AKAP13: variants seen among roughly 807,000 people sequenced by gnomAD.
The protein encoded by AKAP13 is A-kinase anchoring protein 13.
AKAP13 carries 80 observed loss-of-function variants against 264.5 expected under a neutral mutation model. The ratio of observed to expected loss-of-function variants is 0.30; its 90% CI spans 0.25 to 0.36. The LOEUF is 0.36. AKAP13 is among the 10% of genes least tolerant of loss of function. AKAP13 has a pLI of 1.00. For missense variants in AKAP13, 3,712 were observed against 3,435.2 expected, an observed-to-expected ratio of 1.08 and a Z score of -2.01; for synonymous variants, 1,380 against 1,250.2, an observed-to-expected ratio of 1.10 and a Z score of -2.19.
At chr15:85,528,722 CT>C (rs2077160290) in intron 3 of AKAP13, among the ~76,000 whole-genome samples, 1 of 152,124 alleles carries the variant, frequency 6.6e-6, no homozygotes, top group South Asian at 2.1e-4. Context: ...GAGCAGACTT[CT>C]CCCACCCCAT....
intron 7 of AKAP13, among the ~76,000 whole-genome samples, 162 bp from the exon 8 acceptor site, chr15:85,585,540 A>C (rs1454737629): frequency 6.6e-6 from 1 of 152,230 alleles, no homozygotes; most frequent in Non-Finnish European, 1.5e-5. Context: ...ATAGCTCAGC[A>C]TAGGGTCAGA....
chr15:85,628,661 A>T (rs182346538), intron 8 of AKAP13, among the ~76,000 whole-genome samples: 2 of 140,312 alleles, frequency 1.4e-5, no homozygotes, highest in African/African-American at 5.9e-5. Context: ...CCAACAACAA[A>T]CAAACAGCAG....
chr15:85,527,775 T>C (rs2077123862), intron 3 of AKAP13, among the ~76,000 whole-genome samples: 1 of 152,216 alleles, frequency 6.6e-6, no homozygotes, highest in South Asian at 2.1e-4. Flanking sequence ...TCCTATTTCC[T>C]ATTAGAGTCT....
At chr15:85,712,290 T>C (rs1226795736) in intron 19 of AKAP13, among the ~76,000 whole-genome samples, 1 of 152,194 alleles carries the variant, frequency 6.6e-6, no homozygotes, top group Non-Finnish European at 1.5e-5. Context: ...TTTAGATATA[T>C]TTAATCTGGT....
intron 2 of AKAP13, among the ~76,000 whole-genome samples, chr15:85,513,196 G>A (rs907326385): frequency 9.2e-5 from 14 of 152,244 alleles, no homozygotes; most frequent in African/African-American, 3.1e-4. Flanking sequence ...GGTAAAAGGC[G>A]CTTGTGTGAG....
At chr15:85,740,085 AT>A in intron 33 of AKAP13, 136 bp from the exon 34 acceptor site, 1 of 931,354 alleles carries the variant, frequency 1.1e-6, no homozygotes, top group Non-Finnish European at 1.6e-6. Context: ...GGTGCTTTCA[AT>A]TTGAAAATAT....
At chr15:85,691,786 C>T (rs1220634636) in intron 16 of AKAP13, 15 of 466,146 alleles carry the variant, frequency 3.2e-5, no homozygotes, top group Non-Finnish European at 6.0e-5. Context: ...ACAGGAAGCA[C>T]AAGATGAGTA....
At chr15:85,632,749 A>G (rs542248152) in intron 8 of AKAP13, among the ~76,000 whole-genome samples, 1 of 152,378 alleles carries the variant, frequency 6.6e-6, no homozygotes, top group Non-Finnish European at 1.5e-5. Context: ...CTAAAATGAC[A>G]GGAAAAGTAT....
chr15:85,392,221 C>T (rs1596021694), intron 1 of AKAP13, among the ~76,000 whole-genome samples: 2 of 137,656 alleles, frequency 1.5e-5, no homozygotes, highest in South Asian at 4.9e-4. Flanking sequence ...TATGTATAGT[C>T]TATTGTCTTA....
intron 3 of AKAP13, among the ~76,000 whole-genome samples, chr15:85,530,512 C>T (rs919172103): frequency 2.0e-5 from 3 of 152,170 alleles, no homozygotes; most frequent in Non-Finnish European, 4.4e-5. Context: ...TGTAATCTCT[C>T]TTCTAAGGCA....
intron 13 of AKAP13, among the ~76,000 whole-genome samples, chr15:85,666,587 C>T (rs992158231): frequency 1.3e-5 from 2 of 152,164 alleles, no homozygotes; most frequent in East Asian, 1.9e-4. Context: ...CTCACTCTGT[C>T]GCCCATACTG....
intron 1 of AKAP13, among the ~76,000 whole-genome samples, chr15:85,421,772 A>G (rs9672774): frequency 0.96 from 147,035 of 152,378 alleles, 70,991 homozygotes; most frequent in South Asian, 0.98. Context: ...TACTTTGTAG[A>G]CTTATTATTG....
chr15:85,527,166 T>C (rs2151175512), intron 3 of AKAP13, among the ~76,000 whole-genome samples: 1 of 152,286 alleles, frequency 6.6e-6, no homozygotes, highest in African/African-American at 2.4e-5. Flanking sequence ...GGTTTCACCG[T>C]GTTAGCCAGG....
chr15:85,705,061 C>T (rs2086152809), intron 17 of AKAP13, among the ~76,000 whole-genome samples: 1 of 152,160 alleles, frequency 6.6e-6, no homozygotes. Context: ...GTTAAACTTC[C>T]AGCTGGGTTG....
intron 1 of AKAP13, among the ~76,000 whole-genome samples, chr15:85,383,476 A>C (rs1318553269): frequency 6.6e-6 from 1 of 152,212 alleles, no homozygotes; most frequent in Admixed American, 6.5e-5. Context: ...TGTAATGATA[A>C]TAATTTTGGT....
chr15:85,450,041 A>G (rs1294792470), intron 1 of AKAP13, among the ~76,000 whole-genome samples: 1 of 151,924 alleles, frequency 6.6e-6, no homozygotes, highest in African/African-American at 2.4e-5. Flanking sequence ...TGAATCCATC[A>G]GGTCCTAGGC....
intron 10 of AKAP13, among the ~76,000 whole-genome samples, chr15:85,647,084 G>A (rs1187592807): frequency 6.6e-6 from 1 of 152,144 alleles, no homozygotes. Flanking sequence ...TGTCCAAGAT[G>A]GTGAATGATG....
chr15:85,590,540 A>G (rs1273431289), intron 8 of AKAP13, among the ~76,000 whole-genome samples: 1 of 152,238 alleles, frequency 6.6e-6, no homozygotes, highest in Non-Finnish European at 1.5e-5. Flanking sequence ...ATTAGACAGT[A>G]TCTGCATTCG....
At chr15:85,429,279 A>C (rs546339154) in intron 1 of AKAP13, among the ~76,000 whole-genome samples, 3 of 152,152 alleles carry the variant, frequency 2.0e-5, no homozygotes, top group Non-Finnish European at 4.4e-5. Flanking sequence ...TATTACTTCT[A>C]GCAGTTTTCT....
Sources: gnomAD v4.1 joint callset for allele counts (sites outside exome capture counted in the v4.1 genomes callset) on GRCh38, gnomAD v4.1.1 for gene constraint, MANE v1.5 for transcripts, NCBI Gene and HGNC (gene_info 2026-07-23, HGNC 2026-07-21) for gene names.